LRRC7: variants seen among roughly 807,000 people sequenced by gnomAD.
LRRC7 encodes the protein leucine rich repeat containing 7.
In LRRC7, 23 loss-of-function variants were observed where a neutral mutation model predicts 175.7. The observed-to-expected ratio is 0.13, with a 90% CI of 0.09 to 0.19. LRRC7 has a LOEUF of 0.19. Among genes scored for constraint, LRRC7 ranks in the 10% least tolerant of loss-of-function variants. LRRC7 has a pLI of 1.00. For missense variants in LRRC7, 1,354 were observed against 1,904.7 expected (o/e 0.71, Z 5.38); for synonymous variants, 685 against 680.9 (o/e 1.01, Z -0.09).
intron 3 of LRRC7, 59 bp downstream of exon 3, chr1:69,760,452 C>T: frequency 7.1e-7 from 1 of 1,416,568 alleles, no homozygotes; most frequent in Non-Finnish European, 9.9e-7. Flanking sequence ...TTTTCAAATA[C>T]TTTATTATAA....
chr1:69,862,432 A>G (rs1475919954), intron 7 of LRRC7, among the ~76,000 whole-genome samples: 1 of 152,170 alleles, frequency 6.6e-6, no homozygotes, highest in Non-Finnish European at 1.5e-5. Context: ...TATTATAGGG[A>G]GGAGTACAGT....
chr1:69,988,058 T>C (rs1294132235), intron 10 of LRRC7, among the ~76,000 whole-genome samples: 1 of 152,162 alleles, frequency 6.6e-6, no homozygotes, highest in Admixed American at 6.6e-5. Flanking sequence ...GGAAGTATGA[T>C]TATAGAGAAC....
At chr1:69,947,371 C>T (rs889973741) in intron 8 of LRRC7, among the ~76,000 whole-genome samples, 98 of 151,782 alleles carry the variant, frequency 6.5e-4, no homozygotes, top group African/African-American at 2.2e-3. Flanking sequence ...GTGTTTCATT[C>T]ATTCTTTATA....
intron 1 of LRRC7, among the ~76,000 whole-genome samples, chr1:69,587,268 T>C (rs969829408): frequency 6.6e-6 from 1 of 152,168 alleles, no homozygotes; most frequent in African/African-American, 2.4e-5. Flanking sequence ...CTCCAATTTC[T>C]AAATAGTTTT....
intron 26 of LRRC7, among the ~76,000 whole-genome samples, chr1:70,112,218 G>A (rs976469422): frequency 6.6e-6 from 1 of 152,164 alleles, no homozygotes; most frequent in African/African-American, 2.4e-5. Flanking sequence ...TATTAGCAGA[G>A]TCATTATTAT....
At chr1:70,081,351 G>A (rs1207762606) in intron 24 of LRRC7, among the ~76,000 whole-genome samples, 1 of 152,174 alleles carries the variant, frequency 6.6e-6, no homozygotes, top group Non-Finnish European at 1.5e-5. Flanking sequence ...ATTTAAATAA[G>A]TAGATAGTAT....
intron 8 of LRRC7, among the ~76,000 whole-genome samples, chr1:69,978,273 A>T (rs913014670): frequency 1.5e-5 from 2 of 133,490 alleles, no homozygotes; most frequent in African/African-American, 5.6e-5. Flanking sequence ...ACAGAGTGAG[A>T]CTCCGTCGTC....
chr1:70,098,344 A>C lies in LRRC7; in HGVS notation c.4545+8525A>C, dbSNP rs1314212752. On this transcript the variant is annotated intron_variant, in intron 25 of 26. Coordinates refer to ENST00000651989, the MANE Select transcript of LRRC7 (RefSeq NM_001370785.2). The stretch of plus-strand genomic sequence containing the variant: ...CAGTGTGTAGAGGGAAATTTATAGC[A>C]CTAAATGCCCACAAGAGAAAGCAGG... Among the ~76,000 whole-genome samples the C allele has an allele frequency of 2.6e-5, 4 of 151,948 alleles. 1 individual carries two copies. The East Asian group carries it at 7.7e-4, about 29-fold the overall frequency.
intron 5 of LRRC7, among the ~76,000 whole-genome samples, chr1:69,833,105 C>CA (rs58086597): frequency 0.39 from 55,386 of 143,096 alleles, 12,283 homozygotes; most frequent in East Asian, 0.58. Flanking sequence ...AACTCTATTT[C>CA]AAAAAAAAAA....
intron 1 of LRRC7, among the ~76,000 whole-genome samples, chr1:69,660,046 A>G (rs144563597): frequency 4.1e-4 from 62 of 152,152 alleles, no homozygotes; most frequent in African/African-American, 1.4e-3. Flanking sequence ...ATTCACAACC[A>G]TATTTTTTTT....
chr1:69,595,721 T>G (rs1405677280), intron 1 of LRRC7, among the ~76,000 whole-genome samples: 1 of 152,132 alleles, frequency 6.6e-6, no homozygotes, highest in Non-Finnish European at 1.5e-5. Context: ...TGCATGGCAT[T>G]CCTCATTTCG....
At chr1:69,740,894 A>G (rs1418577618) in intron 2 of LRRC7, among the ~76,000 whole-genome samples, 2 of 152,096 alleles carry the variant, frequency 1.3e-5, no homozygotes, top group Non-Finnish European at 2.9e-5. Context: ...AACTCAGTCC[A>G]TAACAACAGC....
intron 7 of LRRC7, among the ~76,000 whole-genome samples, chr1:69,880,614 G>A (rs1173489485): frequency 6.6e-6 from 1 of 152,066 alleles, no homozygotes; most frequent in Non-Finnish European, 1.5e-5. Context: ...TGAATACGAA[G>A]GACAGGGAGA....
chr1:69,578,077 A>G (rs1646031292), intron 1 of LRRC7, among the ~76,000 whole-genome samples: 1 of 152,152 alleles, frequency 6.6e-6, no homozygotes, highest in Admixed American at 6.6e-5. Context: ...TCTACAATGA[A>G]CTCAAACAAA....
At chr1:70,058,542 G>A (rs948134628) in intron 23 of LRRC7, among the ~76,000 whole-genome samples, 1 of 152,060 alleles carries the variant, frequency 6.6e-6, no homozygotes, top group East Asian at 1.9e-4. Flanking sequence ...ACAGTCTATC[G>A]GATTATGCCA....
intron 7 of LRRC7, among the ~76,000 whole-genome samples, chr1:69,845,590 T>C (rs189807571): frequency 6.6e-6 from 1 of 152,108 alleles, no homozygotes; most frequent in African/African-American, 2.4e-5. Flanking sequence ...TGAAGAAAGC[T>C]CATAGATTAA....
At chr1:69,980,673 CT>C (rs1653334102) in intron 9 of LRRC7, among the ~76,000 whole-genome samples, 1 of 151,436 alleles carries the variant, frequency 6.6e-6, no homozygotes, top group South Asian at 2.1e-4. Flanking sequence ...AAAGATTTTT[CT>C]TATTCCCTTT....
At chr1:69,994,989 A>C (rs1178292096) in intron 11 of LRRC7, among the ~76,000 whole-genome samples, 1 of 152,116 alleles carries the variant, frequency 6.6e-6, no homozygotes, top group Non-Finnish European at 1.5e-5. Context: ...TGTTTCTTGC[A>C]AAATTAAACC....
intron 7 of LRRC7, among the ~76,000 whole-genome samples, chr1:69,858,409 T>G (rs575351032): frequency 1.3e-5 from 2 of 152,178 alleles, no homozygotes; most frequent in South Asian, 4.1e-4. Flanking sequence ...TCAAAGAAAT[T>G]TACAACCTGC....
Sources: gnomAD v4.1 joint callset for allele counts (sites outside exome capture counted in the v4.1 genomes callset) on GRCh38, gnomAD v4.1.1 for gene constraint, MANE v1.5 for transcripts, NCBI Gene and HGNC (gene_info 2026-07-23, HGNC 2026-07-21) for gene names.